LSAMP: variants seen among roughly 807,000 people sequenced by gnomAD.
The protein encoded by LSAMP is limbic system associated membrane protein, also known as limbic system-associated membrane protein.
In LSAMP, 7 loss-of-function variants were observed where a neutral mutation model predicts 38.6. The observed-to-expected ratio is 0.18, with a 90% CI of 0.10 to 0.34. The LOEUF (loss-of-function observed/expected upper bound fraction) is 0.34, where lower values mean the gene tolerates loss of function less well. Among genes scored for constraint, LSAMP ranks in the 10% least tolerant of loss-of-function variants. LSAMP has a pLI of 1.00. For synonymous variants in LSAMP, 154 were observed against 166.8 expected, an observed-to-expected ratio of 0.92 and a Z score of 0.59; for missense variants, 313 against 420.0, an observed-to-expected ratio of 0.75 and a Z score of 2.23.
At chr3:116,062,157 C>T (rs377349541) in intron 2 of LSAMP, among the ~76,000 whole-genome samples, 1 of 152,340 alleles carries the variant, frequency 6.6e-6, no homozygotes, top group East Asian at 1.9e-4. Flanking sequence ...CATTACTTTA[C>T]TGGGTCTCAG....
intron 3 of LSAMP, among the ~76,000 whole-genome samples, chr3:115,905,761 T>C (rs547762755): frequency 2.0e-5 from 3 of 152,246 alleles, no homozygotes; most frequent in East Asian, 1.9e-4. Context: ...TCCCCTTGCA[T>C]TGGTACCTAC....
intron 3 of LSAMP, among the ~76,000 whole-genome samples, chr3:115,907,003 A>G (rs1270190747): frequency 1.3e-5 from 2 of 152,170 alleles, no homozygotes; most frequent in African/African-American, 4.8e-5. Flanking sequence ...TACTAGAATA[A>G]TTTGAATATT....
intron 1 of LSAMP, among the ~76,000 whole-genome samples, chr3:116,268,157 C>T (rs2046917272): frequency 6.6e-6 from 1 of 151,964 alleles, no homozygotes; most frequent in Non-Finnish European, 1.5e-5. Flanking sequence ...CTAACACATC[C>T]TTTTTCCAGT....
In LSAMP at chr3:116,414,763, C is replaced by A. The variant is rs116356762; in HGVS notation, c.155+30114G>T. On this transcript the variant is annotated intron_variant, in intron 1 of 6. Coordinates refer to ENST00000490035, the MANE Select transcript of LSAMP (RefSeq NM_002338.5). ...CTCTGTGATCTGTGACTTTTTGCAT[C>A]TGCACTGCCATTTAATTCCCACAGT... Among the ~76,000 whole-genome samples the A allele has an allele frequency of 9.3e-3, 1,418 of 152,240 alleles. 23 individuals carry two copies. Among genetic ancestry groups the A allele is most frequent in the African/African-American group, 0.032 (1,347 of 41,552 alleles).
intron 2 of LSAMP, among the ~76,000 whole-genome samples, chr3:116,029,092 G>T (rs1036372363): frequency 4.6e-5 from 7 of 152,068 alleles, no homozygotes; most frequent in African/African-American, 1.7e-4. Flanking sequence ...TACATACTTT[G>T]TCATGTCTCC....
intron 1 of LSAMP, among the ~76,000 whole-genome samples, chr3:116,246,421 G>A (rs981168914): frequency 6.6e-6 from 1 of 152,136 alleles, no homozygotes; most frequent in Non-Finnish European, 1.5e-5. Flanking sequence ...CACAACAGCA[G>A]TCCACAATGC....
intron 3 of LSAMP, among the ~76,000 whole-genome samples, chr3:115,891,239 C>A (rs780165849): frequency 1.3e-5 from 2 of 151,918 alleles, no homozygotes; most frequent in Non-Finnish European, 2.9e-5. Flanking sequence ...GTTTGTAGGC[C>A]CCTCCCACTT....
intron 1 of LSAMP, among the ~76,000 whole-genome samples, chr3:116,299,233 A>C (rs1260828177): frequency 6.6e-6 from 1 of 152,232 alleles, no homozygotes; most frequent in East Asian, 1.9e-4. Flanking sequence ...AGCTGTGGGT[A>C]GGAGAAGGAT....
At chr3:115,884,591 T>A (rs6769741) in intron 3 of LSAMP, among the ~76,000 whole-genome samples, 22,757 of 151,934 alleles carry the variant, frequency 0.15, 2,073 homozygotes, top group African/African-American at 0.26. Flanking sequence ...CATCACTGTA[T>A]AGAAGATGAC....
At chr3:116,442,229 C>A (rs968813483) in intron 1 of LSAMP, among the ~76,000 whole-genome samples, 1 of 152,122 alleles carries the variant, frequency 6.6e-6, no homozygotes. Context: ...GTTTTGGGGA[C>A]AGACAGCCAA....
At chr3:116,359,410 C>T (rs912777238) in intron 1 of LSAMP, among the ~76,000 whole-genome samples, 1 of 152,140 alleles carries the variant, frequency 6.6e-6, no homozygotes, top group African/African-American at 2.4e-5. Flanking sequence ...GGAATCATAT[C>T]CAGACCAACC....
intron 6 of LSAMP, among the ~76,000 whole-genome samples, chr3:115,840,625 A>G (rs926969450): frequency 2.0e-5 from 3 of 152,250 alleles, no homozygotes; most frequent in Non-Finnish European, 4.4e-5. Flanking sequence ...CCGAAGTTAG[A>G]GTCATTTGTG....
Position 115,903,431 on chromosome 3 carries a change from C to A in LSAMP, c.515-50814G>T, listed in dbSNP as rs1053088330. On this transcript the variant is annotated intron_variant, in intron 3 of 6. Coordinates refer to ENST00000490035, the MANE Select transcript of LSAMP (RefSeq NM_002338.5). Reference sequence around the variant, plus strand: ...GTGATGAAGTAATCTGTACAACAAACCCCAGTGACATGAGTTTACCTATAT... The same window carrying A: ...GTGATGAAGTAATCTGTACAACAAAACCCAGTGACATGAGTTTACCTATAT... 2.1e-4 allele frequency among the ~76,000 whole-genome samples: 32 copies of A among 152,116 alleles called. 1 individual carries two copies. Among genetic ancestry groups the A allele is most frequent in the South Asian group, 4.2e-4 (2 of 4,814 alleles).
intron 2 of LSAMP, among the ~76,000 whole-genome samples, chr3:116,083,942 C>T (rs545924722): frequency 3.3e-5 from 5 of 152,276 alleles, no homozygotes; most frequent in African/African-American, 7.2e-5. Flanking sequence ...TTCCCCTTGG[C>T]GACTCAGGCT....
At chr3:116,058,781 A>G (rs1418064399) in intron 2 of LSAMP, among the ~76,000 whole-genome samples, 1 of 152,188 alleles carries the variant, frequency 6.6e-6, no homozygotes, top group Non-Finnish European at 1.5e-5. Context: ...CACAAACCCT[A>G]TTTATATCAT....
At chr3:116,012,659 C>T (rs573193871) in intron 3 of LSAMP, among the ~76,000 whole-genome samples, 135 of 152,082 alleles carry the variant, frequency 8.9e-4, no homozygotes, top group Admixed American at 6.5e-3. Flanking sequence ...TGGATGTTAG[C>T]TTTTTTAAAA....
At chr3:116,340,512 AAC>A (rs1307904254) in intron 1 of LSAMP, among the ~76,000 whole-genome samples, 1 of 151,982 alleles carries the variant, frequency 6.6e-6, no homozygotes, top group Non-Finnish European at 1.5e-5. Flanking sequence ...ATATTCCTTA[AAC>A]AGATGAGATA....
intron 1 of LSAMP, among the ~76,000 whole-genome samples, chr3:116,330,962 C>T (rs1229228718): frequency 2.0e-5 from 3 of 152,000 alleles, no homozygotes; most frequent in African/African-American, 7.2e-5. Context: ...ATTTACCTGA[C>T]AAAGACTTTA....
chr3:116,280,460 C>A (rs1455066151), intron 1 of LSAMP, among the ~76,000 whole-genome samples: 1 of 152,198 alleles, frequency 6.6e-6, no homozygotes, highest in Non-Finnish European at 1.5e-5. Flanking sequence ...TGATATGCAC[C>A]ACATTGCTCT....
Sources: gnomAD v4.1 joint callset for allele counts (sites outside exome capture counted in the v4.1 genomes callset) on GRCh38, gnomAD v4.1.1 for gene constraint, MANE v1.5 for transcripts, NCBI Gene and HGNC (gene_info 2026-07-23, HGNC 2026-07-21) for gene names.